DAB1: variants seen among roughly 807,000 people sequenced by gnomAD.
DAB1 encodes DAB adaptor protein 1.
In DAB1, 15 loss-of-function variants were observed where a neutral mutation model predicts 64.6. That is an observed-to-expected ratio of 0.23 (90% CI 0.16 to 0.36). DAB1 has a LOEUF of 0.36. DAB1 is among the 10% of genes least tolerant of loss of function. The pLI, the probability that DAB1 is intolerant of heterozygous loss-of-function variation, is 1.00. For synonymous variants in DAB1, 235 were observed against 251.9 expected (o/e 0.93, Z 0.64); for missense variants, 596 against 706.7 (o/e 0.84, Z 1.78).
At chr1:57,949,342 C>G (rs1239660567) in intron 5 of DAB1, among the ~76,000 whole-genome samples, 2 of 152,160 alleles carry the variant, frequency 1.3e-5, no homozygotes, top group Non-Finnish European at 2.9e-5. Context: ...GGAGTTCAGG[C>G]AGCGAGGCTT....
intron 6 of DAB1, among the ~76,000 whole-genome samples, chr1:57,769,675 C>A (rs1252469110): frequency 6.6e-6 from 1 of 152,160 alleles, no homozygotes; most frequent in Non-Finnish European, 1.5e-5. Flanking sequence ...TGAGTTGGGA[C>A]TCTATTCTCT....
chr1:57,063,883 AGTT>A (rs892687530), intron 8 of DAB1, among the ~76,000 whole-genome samples: 36 of 152,202 alleles, frequency 2.4e-4, no homozygotes, highest in African/African-American at 8.7e-4. Context: ...AGCACCCATT[AGTT>A]GTTCCTTTCC....
Position 57,599,133 on chromosome 1 carries a change from A to C in DAB1, n.625+50459T>G, listed in dbSNP as rs182810378. ...TAAAAGTGAGGGTTGGTTGCATTTT[A>C]AAGCCTTCATTATTAGAGCTGATGC... On this transcript the variant is annotated intron_variant and non_coding_transcript_variant, in intron 7 of 20. Coordinates refer to the DAB1 transcript ENST00000485760. Among the ~76,000 whole-genome samples, 236 of 151,238 alleles carry C rather than the reference A, an allele frequency of 1.6e-3. 3 individuals carry two copies. The highest frequency in any genetic ancestry group is 5.6e-3 in the African/African-American group (228 of 41,054).
At chr1:57,994,045 T>C (rs556881122) in intron 5 of DAB1, among the ~76,000 whole-genome samples, 11 of 152,316 alleles carry the variant, frequency 7.2e-5, no homozygotes, top group African/African-American at 2.4e-4. Flanking sequence ...AAGGCTACTA[T>C]AGCAGAAGGC....
At chr1:57,745,647 A>T (rs776127002) in intron 6 of DAB1, among the ~76,000 whole-genome samples, 18 of 152,228 alleles carry the variant, frequency 1.2e-4, no homozygotes, top group Non-Finnish European at 1.9e-4. Flanking sequence ...ATTTATAAAA[A>T]TTACCAAAAA....
chr1:57,529,728 G>C (rs1468676001), intron 7 of DAB1, among the ~76,000 whole-genome samples: 1 of 152,058 alleles, frequency 6.6e-6, no homozygotes, highest in East Asian at 1.9e-4. Flanking sequence ...GACAAATCAT[G>C]GAGTCCAAGA....
chr1:58,312,846 G>T (rs762734736), intron 4 of DAB1, among the ~76,000 whole-genome samples: 4 of 152,064 alleles, frequency 2.6e-5, no homozygotes, highest in Non-Finnish European at 5.9e-5. Context: ...CATTTTGCAA[G>T]ATAGCGTTGG....
intron 14 of DAB1, among the ~76,000 whole-genome samples, chr1:57,000,336 G>T (rs112694934): frequency 5.9e-5 from 9 of 152,102 alleles, no homozygotes; most frequent in Middle Eastern, 3.4e-3. Flanking sequence ...GAGCCACCGC[G>T]CCAGGCCTCC....
At chr1:58,522,720 CAT>C (rs941165433) in intron 2 of DAB1, among the ~76,000 whole-genome samples, 1 of 152,128 alleles carries the variant, frequency 6.6e-6, no homozygotes, top group African/African-American at 2.4e-5. Flanking sequence ...AGTAAATTAA[CAT>C]GTTTTGTATG....
chr1:57,828,777 A>C (rs1262977081), intron 1 of DAB1, among the ~76,000 whole-genome samples: 3 of 152,266 alleles, frequency 2.0e-5, no homozygotes, highest in Non-Finnish European at 1.5e-5. Context: ...AAAACTAATT[A>C]ACTTTCTAAT....
At chr1:57,560,042 T>C (rs927778124) in intron 7 of DAB1, among the ~76,000 whole-genome samples, 1 of 152,234 alleles carries the variant, frequency 6.6e-6, no homozygotes, top group Non-Finnish European at 1.5e-5. Flanking sequence ...CTGTACCAGA[T>C]GTGGTTTCAT....
At chr1:58,001,012 C>T (rs529774525) in intron 5 of DAB1, among the ~76,000 whole-genome samples, 2 of 152,010 alleles carry the variant, frequency 1.3e-5, no homozygotes, top group Admixed American at 6.6e-5. Flanking sequence ...TCTCTCTTAA[C>T]TTCTTAATTT....
At chr1:57,234,241 G>T (rs966009411) in intron 2 of DAB1, among the ~76,000 whole-genome samples, 1 of 152,096 alleles carries the variant, frequency 6.6e-6, no homozygotes, top group African/African-American at 2.4e-5. Flanking sequence ...AGTTACCCAA[G>T]AATTTGAATC....
intron 6 of DAB1, among the ~76,000 whole-genome samples, chr1:57,685,194 T>G (rs954461541): frequency 2.0e-5 from 3 of 151,722 alleles, no homozygotes; most frequent in African/African-American, 7.3e-5. Context: ...CCTCGTGATC[T>G]GCCCACCTCG....
At chr1:57,792,063 T>C (rs1044345521) in intron 6 of DAB1, among the ~76,000 whole-genome samples, 1 of 152,174 alleles carries the variant, frequency 6.6e-6, no homozygotes, top group Non-Finnish European at 1.5e-5. Flanking sequence ...TTACACTGAG[T>C]GAGTCTCTGA....
chr1:57,754,547 A>T (rs1648709040), intron 6 of DAB1, among the ~76,000 whole-genome samples: 1 of 151,980 alleles, frequency 6.6e-6, no homozygotes, highest in Non-Finnish European at 1.5e-5. Flanking sequence ...TTAGGCGGGC[A>T]TGGTGGCATG....
At chr1:57,963,282 G>A (rs1645571017) in intron 5 of DAB1, among the ~76,000 whole-genome samples, 1 of 152,174 alleles carries the variant, frequency 6.6e-6, no homozygotes, top group Non-Finnish European at 1.5e-5. Flanking sequence ...GGCTCAGGGT[G>A]CCATGCAAGC....
intron 7 of DAB1, among the ~76,000 whole-genome samples, chr1:57,531,479 T>C (rs1055196509): frequency 2.0e-5 from 3 of 152,118 alleles, no homozygotes; most frequent in Admixed American, 1.3e-4. Flanking sequence ...GGGACACACA[T>C]GACAACCAGG....
At chr1:58,330,682 T>C (rs1662949833) in intron 4 of DAB1, among the ~76,000 whole-genome samples, 1 of 152,176 alleles carries the variant, frequency 6.6e-6, no homozygotes, top group African/African-American at 2.4e-5. Context: ...CCTTTAAGAA[T>C]TATGTTAAAT....
Sources: gnomAD v4.1 joint callset for allele counts (sites outside exome capture counted in the v4.1 genomes callset) on GRCh38, gnomAD v4.1.1 for gene constraint, MANE v1.5 for transcripts, NCBI Gene and HGNC (gene_info 2026-07-23, HGNC 2026-07-21) for gene names.